The following MLXIPL variants were observed in gnomAD, a reference collection of about 807,000 sequenced individuals.
The protein encoded by MLXIPL is MLX interacting protein like, also known as carbohydrate-responsive element-binding protein.
MLXIPL carries 49 observed loss-of-function variants against 81.5 expected under a neutral mutation model. That is an observed-to-expected ratio of 0.60 (90% CI 0.48 to 0.76). The LOEUF is 0.76. MLXIPL is among the 30% of genes least tolerant of loss of function. The pLI is 0.00. For synonymous variants in MLXIPL, 466 were observed against 485.5 expected (o/e 0.96, Z 0.53); for missense variants, 1,053 against 1,167.0 (o/e 0.90, Z 1.42).
In MLXIPL at chr7:73,599,533, C is replaced by A. The variant is rs782082646; in HGVS notation, c.1064G>T (p.Arg355Leu). ...GGGGTGGGGTGAGCTCACCTGCAGACGGCTGTGTCCAGAGAGGTGGGTCAT... is the reference window on the plus strand; with the variant it reads ...GGGGTGGGGTGAGCTCACCTGCAGAAGGCTGTGTCCAGAGAGGTGGGTCAT... Reference protein sequence around the residue: ...SAMTHLSGHSRLQARNSCPGP... With the variant: ...SAMTHLSGHSLLQARNSCPGP... The change falls in exon 8 of 17, where the codon CGT (arginine) becomes CTT (leucine). Residue 355 changes from arginine (R) to leucine (L), a missense_variant. Arg to Leu is a moderately radical substitution (Grantham distance 102). This residue lies in a region of MLXIPL where 823 missense variants were observed against 933.0 expected (regional missense o/e 0.88). Coordinates refer to ENST00000313375, the MANE Select transcript of MLXIPL (RefSeq NM_032951.3). The A allele has an allele frequency of 5.6e-6, 9 of 1,612,562 alleles. No homozygotes were observed. In the East Asian group the frequency reaches 1.8e-4, roughly 32 times the overall value.
At chr7:73,613,122 G>A (rs558155648) in intron 2 of MLXIPL, among the ~76,000 whole-genome samples, 3 of 152,280 alleles carry the variant, frequency 2.0e-5, no homozygotes, top group Non-Finnish European at 2.9e-5. Flanking sequence ...CCTAAGGCCC[G>A]ACATTAGTGG....
At chr7:73,606,870 C>G (rs1161529160) in intron 5 of MLXIPL, 104 bp downstream of exon 5, 10 of 1,269,962 alleles carry the variant, frequency 7.9e-6, no homozygotes, top group Middle Eastern at 4.4e-4. Context: ...ACCCTCATGC[C>G]CAGCCACTGT....
intron 15 of MLXIPL, among the ~76,000 whole-genome samples, chr7:73,594,846 C>CTT (rs33938430): frequency 9.4e-6 from 1 of 106,720 alleles, no homozygotes. Flanking sequence ...TGTGCTCGGA[C>CTT]TTTTTTTTTT....
In MLXIPL at chr7:73,612,498, C is replaced by T. The variant is rs187285433; in HGVS notation, c.400+3573G>A. ...TCTACCGAAAATACAAAAAATTAGC[C>T]GGGCGTGGTGGTGCGCACCTGTAGT... On this transcript the variant is annotated intron_variant, in intron 2 of 16. Coordinates refer to ENST00000313375, the MANE Select transcript of MLXIPL (RefSeq NM_032951.3). Among the ~76,000 whole-genome samples, 1,097 of 151,748 alleles carry T rather than the reference C, an allele frequency of 7.2e-3. 7 individuals are homozygous for T. Among genetic ancestry groups the T allele is most frequent in the Non-Finnish European group, 0.012 (791 of 67,906 alleles).
chr7:73,596,000 G>T (rs368924860), intron 13 of MLXIPL, 31 bp from the exon 14 acceptor site: 1 of 1,610,936 alleles, frequency 6.2e-7, no homozygotes, highest in Admixed American at 1.7e-5. Context: ...GCTCAGGCAG[G>T]TGCTAGAGGC....
At chr7:73,646,683 TC>T in the MLXIPL span, among the ~76,000 whole-genome samples, 2 of 152,052 alleles carry the variant, frequency 1.3e-5, no homozygotes, top group African/African-American at 4.8e-5. Flanking sequence ...ATCTTCCTCC[TC>T]TCCCAGAAGC....
At chr7:73,632,735 CTTCCTTCT>C in the MLXIPL span, among the ~76,000 whole-genome samples, 1,270 of 142,132 alleles carry the variant, frequency 8.9e-3, 13 homozygotes, top group Non-Finnish European at 0.013. Context: ...CCTTTCATTC[CTTCCTTCT>C]TTCCTTCCTT....
At chr7:73,611,367 C>T (rs1159174458) in intron 2 of MLXIPL, 1 of 152,208 alleles carries the variant, frequency 6.6e-6, no homozygotes, top group African/African-American at 2.4e-5. Context: ...TGAGACTTTT[C>T]CTGGCTGCTC....
At chr7:73,609,525 G>A (rs2116391068) in intron 2 of MLXIPL, 1 of 152,106 alleles carries the variant, frequency 6.6e-6, no homozygotes, top group Admixed American at 6.6e-5. Context: ...GATTACAGGT[G>A]TCAGCCACCT....
upstream of MLXIPL, chr7:73,624,543 C>A (rs1796605646): frequency 2.0e-6 from 3 of 1,484,140 alleles, no homozygotes; most frequent in South Asian, 2.6e-5. Flanking sequence ...GCGCGGGGAA[C>A]AGCTCTTGGC....
intron 7 of MLXIPL, among the ~76,000 whole-genome samples, chr7:73,600,322 C>T (rs1554595734): frequency 2.3e-4 from 22 of 97,458 alleles, no homozygotes; most frequent in Middle Eastern, 7.0e-3. Context: ...TAAGGGTGGG[C>T]TCTGAGTGGT....
chr7:73,644,605 C>A, the MLXIPL span, among the ~76,000 whole-genome samples: 1 of 152,124 alleles, frequency 6.6e-6, no homozygotes, highest in Non-Finnish European at 1.5e-5. Context: ...CCAGTGGTAC[C>A]TGGTAAATGT....
At chr7:73,642,583 T>C in the MLXIPL span, among the ~76,000 whole-genome samples, 5 of 152,330 alleles carry the variant, frequency 3.3e-5, no homozygotes, top group African/African-American at 1.2e-4. Flanking sequence ...CTCAAACTCC[T>C]GATCTCAGAT....
chr7:73,613,736 T>C (rs1554600234), intron 2 of MLXIPL, among the ~76,000 whole-genome samples: 2 of 152,252 alleles, frequency 1.3e-5, no homozygotes, highest in Admixed American at 6.5e-5. Flanking sequence ...AACCTCACTC[T>C]GTCTGATTCC....
In MLXIPL at chr7:73,623,350, C is replaced by G. The variant is rs1339276673; in HGVS notation, c.293+850G>C. 6.6e-6 allele frequency among the ~76,000 whole-genome samples: 1 copy of G among 152,246 alleles called. No homozygotes were observed. The highest frequency in any genetic ancestry group is 1.5e-5 in the Non-Finnish European group (1 of 68,046). ...TTTTCGGTTGATAATTTATACTGGC[C>G]CCTCAACTCCGGGGAACTTTGCTCC... On this transcript the variant is annotated intron_variant, in intron 1 of 16. Transcript: ENST00000313375. The surrounding 1 kb of genome is among the most constrained non-coding windows in gnomAD (Gnocchi z 5.7).
chr7:73,614,936 G>A (rs1263520531), intron 2 of MLXIPL, among the ~76,000 whole-genome samples: 3 of 151,424 alleles, frequency 2.0e-5, no homozygotes, highest in East Asian at 3.9e-4. Flanking sequence ...TCAGCCTGCC[G>A]AGTAGCTGGG....
Position 73,597,144 on chromosome 7 carries a change from C to T in MLXIPL, c.1603+38G>A, listed in dbSNP as rs375075524. 2.9e-5 allele frequency: 46 copies of T among 1,571,470 alleles called. No individual in the cohort carries two copies. In the African/African-American group the frequency reaches 5.8e-4, roughly 20 times the overall value. ...CCTGTCCTCCCCACCCCCTGGCCTC[C>T]CTCCCCAGGCTTTCCTCTCCCCGTT... On this transcript the variant is annotated intron_variant, in intron 9 of 16. Transcript: ENST00000313375.
chr7:73,627,382 G>A (rs7781852), upstream of MLXIPL, among the ~76,000 whole-genome samples: 270 of 151,976 alleles, frequency 1.8e-3, no homozygotes, highest in African/African-American at 6.2e-3. Flanking sequence ...CCAAGTAGCC[G>A]GGATTACAGG....
chr7:73,597,532 A>G lies in MLXIPL; in HGVS notation c.1253T>C (p.Met418Thr). ...CTGCAGCAAAGCAGTGGGTGGTGCC[A>G]TGGGAGGGAAGGGAGGTGGGGGGCA... ...EPCPPPPFPP[M>T]APPTALLQEE... The change falls in exon 9 of 17, where the codon ATG becomes ACG. Residue 418 changes from methionine (M) to threonine (T), a missense_variant. By Grantham distance (81) the Met-to-Thr change is moderately conservative. Transcript: ENST00000313375. The G allele has an allele frequency of 1.9e-6, 2 of 1,077,902 alleles. No homozygotes were observed. The highest frequency in any genetic ancestry group is 2.5e-5 in the South Asian group (1 of 40,022). 66.8% of individuals were successfully genotyped at this position (1,077,902 alleles called of 1,614,324 possible).
Sources: allele counts gnomAD v4.1 joint callset (sites outside exome capture counted in the v4.1 genomes callset), GRCh38; gene constraint gnomAD v4.1.1; regional missense constraint gnomAD v4.1.1; non-coding constraint Gnocchi (gnomAD v3.1); transcripts MANE v1.5; gene names NCBI Gene and HGNC (gene_info 2026-07-23, HGNC 2026-07-21).